Variants in STARD9 observed in about 807,000 individuals in gnomAD.
STARD9 encodes the protein stAR-related lipid transfer protein 9.
In STARD9, 346 loss-of-function variants were observed where a neutral mutation model predicts 399.8. The ratio of observed to expected loss-of-function variants is 0.87; its 90% CI spans 0.79 to 0.95. STARD9 has a LOEUF of 0.95. STARD9 is among the 40% of genes least tolerant of loss of function. The pLI is 0.00. For missense variants in STARD9, 5,832 were observed against 5,667.5 expected (o/e 1.03, Z -0.93); for synonymous variants, 2,203 against 2,143.5 (o/e 1.03, Z -0.77).
Position 42,690,214 on chromosome 15 carries a change from G to A in STARD9, c.8636G>A (p.Ser2879Asn), listed in dbSNP as rs1260334633. The A allele has an allele frequency of 2.6e-6, 4 of 1,537,734 alleles. No individual in the cohort carries two copies. The highest frequency in any genetic ancestry group is 8.7e-7 in the Non-Finnish European group (1 of 1,147,020). ...CAGCAGTGTGTGCAGTGTAAGGAGAGTGTTGGGTCTGGGTTGACAGAAGTC... is the reference window on the plus strand; with the variant it reads ...CAGCAGTGTGTGCAGTGTAAGGAGAATGTTGGGTCTGGGTTGACAGAAGTC... ...PTQQCVQCKE[S>N]VGSGLTEVCR... The change falls in exon 23 of 33, where the codon AGT becomes AAT. Residue 2879 changes from serine to asparagine, a missense_variant. By Grantham distance (46) the Ser-to-Asn change is conservative. Coordinates refer to ENST00000290607, the MANE Select transcript of STARD9 (RefSeq NM_020759.3).
chr15:42,609,375 A>G (rs916565631), intron 3 of STARD9, among the ~76,000 whole-genome samples: 2 of 151,826 alleles, frequency 1.3e-5, no homozygotes, highest in Non-Finnish European at 2.9e-5. Context: ...AAGAGACGGT[A>G]TGGTCAAAAG....
chr15:42,692,079 C>T lies in STARD9; in HGVS notation c.10501C>T (p.Gln3501Ter). Residue 3501 changes from glutamine to a stop codon, truncating the protein, a stop_gained, in exon 23 of 33, where the codon CAG becomes TAG. Coordinates refer to ENST00000290607, the MANE Select transcript of STARD9 (RefSeq NM_020759.3). LOFTEE classifies it high-confidence loss of function. ...AVDVSCSQKPQGLTLSNVARC... is the reference protein window; with the variant it reads ...AVDVSCSQKP ...CGATGTTTCCTGCAGCCAGAAGCCC[C>T]AGGGGCTGACACTATCAAATGTGGC... is the stretch of plus-strand genomic sequence containing the variant. The T allele has an allele frequency of 1.3e-6, 2 of 1,537,232 alleles. No individual in the cohort carries two copies. The highest frequency in any genetic ancestry group is 2.4e-5 in the East Asian group (1 of 40,916).
intron 26 of STARD9, among the ~76,000 whole-genome samples, chr15:42,705,625 A>G (rs1304050938): frequency 6.6e-6 from 1 of 151,922 alleles, no homozygotes; most frequent in South Asian, 2.1e-4. Flanking sequence ...TATTTTTAAT[A>G]GAGATGGGGT....
chr15:42,663,246 C>T, intron 11 of STARD9, 35 bp from the exon 12 acceptor site: 4 of 1,506,016 alleles, frequency 2.7e-6, no homozygotes, highest in Non-Finnish European at 3.6e-6. Flanking sequence ...TTCATAATTC[C>T]TTCTTTCTTC....
rs55773330 is a variant in STARD9, at chr15:42,664,789, A to AACAC, written c.1177-431_1177-428dup. Among the ~76,000 whole-genome samples the AACAC allele has an allele frequency of 3.8e-3, 557 of 144,812 alleles. 3 individuals carry two copies. Among genetic ancestry groups the AACAC allele is most frequent in the East Asian group, 0.015 (77 of 4,982 alleles). ...ATTCATTGGTTTTTGTTTATCCTTT[A>AACAC]ACACACACACACACACACACACACA... On this transcript the variant is annotated intron_variant, in intron 13 of 32. Transcript: ENST00000290607.
intron 1 of STARD9, among the ~76,000 whole-genome samples, chr15:42,579,559 A>G (rs1376069036): frequency 1.3e-5 from 2 of 152,122 alleles, no homozygotes; most frequent in African/African-American, 4.8e-5. Context: ...CCAGGTAGAG[A>G]AAAAGGAAGG....
At chr15:42,717,401 T>C (rs1036612176) in intron 28 of STARD9, among the ~76,000 whole-genome samples, 9 of 151,940 alleles carry the variant, frequency 5.9e-5, no homozygotes, top group Non-Finnish European at 1.0e-4. Flanking sequence ...GGTGGGAAGA[T>C]TGCTTGAGTC....
rs1002297176 is a variant in STARD9, at chr15:42,663,342, T to A, written c.930T>A (p.Gly310=). ...TCAACAGCTCAGTCAGCAATGGTGG[T>A]GACAGTGGGATCCTTAGCTCTCCTT... ...QSLNSSVSNG[G]DSGILSSPSG... is the part of the protein sequence containing the mutation. The change falls in exon 12 of 33, where the codon GGT becomes GGA. Residue 310 remains glycine (G), a synonymous_variant. Transcript: ENST00000290607. 24 of 1,537,204 alleles carry A rather than the reference T, an allele frequency of 1.6e-5. No individual in the cohort carries two copies. Among genetic ancestry groups the A allele is most frequent in the Non-Finnish European group, 2.1e-5 (24 of 1,146,920 alleles).
At position 42,688,767 on chromosome 15, in the gene STARD9, A is replaced by C. The variant is rs943502915; in HGVS notation, c.7189A>C (p.Arg2397=). ...AAGCCACAGCCCCGAAGGAAATGTT[A>C]GAGGGCGTTCCTCTGAGGCACACAC... ...TRSHSPEGNV[R]GRSSEAHTAW... The change falls in exon 23 of 33, where the codon AGA becomes CGA. Residue 2397 remains arginine, a synonymous_variant. Coordinates refer to ENST00000290607, the MANE Select transcript of STARD9 (RefSeq NM_020759.3). The C allele has an allele frequency of 1.4e-5, 22 of 1,537,680 alleles. No homozygotes were observed. In the East Asian group the frequency reaches 5.1e-4, roughly 36 times the overall value.
chr15:42,701,211 C>T (rs2060957048), intron 26 of STARD9, among the ~76,000 whole-genome samples: 1 of 152,064 alleles, frequency 6.6e-6, no homozygotes, highest in African/African-American at 2.4e-5. Flanking sequence ...TTGTTTTGCT[C>T]AGAATTTCTT....
In STARD9 at chr15:42,716,633, G is replaced by A. The variant is rs117100467; in HGVS notation, c.13285-44G>A. ...GTTCAGAGGCAGAGGAGATAATTCT[G>A]TGCTTGCCTTCTGGCTCTGTCCTGA... On this transcript the variant is annotated intron_variant, in intron 26 of 32. Coordinates refer to ENST00000290607, the MANE Select transcript of STARD9 (RefSeq NM_020759.3). 8,428 of 1,242,916 alleles carry A rather than the reference G, an allele frequency of 6.8e-3. 44 individuals carry two copies. Among genetic ancestry groups the A allele is most frequent in the Non-Finnish European group, 7.9e-3 (6,905 of 878,450 alleles). 77.0% of individuals were successfully genotyped at this position (1,242,916 alleles called of 1,614,324 possible). A position where few individuals can be genotyped will look rare whatever the true frequency, so the allele number is the denominator to read the frequency against.
chr15:42,634,797 C>A, intron 3 of STARD9, 59 bp from the exon 4 acceptor site: 3 of 752,086 alleles, frequency 4.0e-6, no homozygotes, highest in South Asian at 2.3e-5. Context: ...GAAAATAATT[C>A]TAAATCTGCT....
In STARD9 at chr15:42,652,591, A is replaced by G. The variant is rs1328224893; in HGVS notation, c.701A>G (p.Gln234Arg). 1.3e-6 allele frequency: 2 copies of G among 1,537,202 alleles called. No individual in the cohort carries two copies. The highest frequency in any genetic ancestry group is 1.7e-6 in the Non-Finnish European group (2 of 1,146,834). ...SHAIFTIHYT[Q>R]AILENNLPSE... is the part of the protein sequence containing the mutation. The stretch of plus-strand genomic sequence containing the variant: ...GCCATTTTCACGATCCACTACACGC[A>G]GGTTGGTAACTCCTTATGTTTGGTG... Residue 234 changes from glutamine to arginine, a missense_variant and splice_region_variant, in exon 9 of 33, where the codon CAG (glutamine) becomes CGG (arginine). This residue lies in a region of STARD9 where 5,828 missense variants were observed against 5,651.1 expected (regional missense o/e 1.03). Transcript: ENST00000290607.
chr15:42,626,853 T>G (rs1595666121), intron 3 of STARD9, among the ~76,000 whole-genome samples: 1 of 144,788 alleles, frequency 6.9e-6, no homozygotes. Flanking sequence ...TTGATATCAG[T>G]TTTTTTTTTT....
intron 9 of STARD9, among the ~76,000 whole-genome samples, chr15:42,652,876 C>T (rs911574827): frequency 6.6e-6 from 1 of 152,094 alleles, no homozygotes; most frequent in African/African-American, 2.4e-5. Context: ...CGGGGTTTCA[C>T]CATGTTGGCC....
intron 16 of STARD9, chr15:42,674,050 G>A: frequency 2.2e-6 from 1 of 449,168 alleles, no homozygotes; most frequent in Non-Finnish European, 4.5e-6. Flanking sequence ...ATCAACCTTT[G>A]CCCCTTAGGG....
rs1216746473 is a variant in STARD9 at position 42,685,444 on chromosome 15, C to T, written c.3866C>T (p.Pro1289Leu). The T allele has an allele frequency of 3.3e-6, 5 of 1,536,460 alleles. No homozygotes were observed. The African/African-American group carries it at 4.1e-5, about 13-fold the overall frequency. ...PQFQPHCELQPHCELQPHCEL... is the reference protein window; with the variant it reads ...PQFQPHCELQLHCELQPHCEL... ...TTCCAACCCCATTGTGAGCTCCAAC[C>T]CCATTGTGAGCTCCAACCCCATTGT... The change falls in exon 23 of 33, where the codon CCC becomes CTC. Residue 1289 changes from proline (P) to leucine (L), a missense_variant. Pro to Leu is a moderately conservative substitution (Grantham distance 98, BLOSUM62 -3). Transcript: ENST00000290607.
chr15:42,694,262 C>G lies in STARD9; in HGVS notation c.12684C>G (p.Leu4228=), dbSNP rs1432075815. The part of the protein sequence containing the change: ...HHGFGEADAL[L]QVLQSGTGEA... ...GCTTTGGGGAGGCCGATGCCCTGCTCCAGGTGCTGCAGAGTGGGACAGGGG... is the reference window on the plus strand; with the variant it reads ...GCTTTGGGGAGGCCGATGCCCTGCTGCAGGTGCTGCAGAGTGGGACAGGGG... Residue 4228 remains leucine (L), a synonymous_variant, in exon 23 of 33, where the codon CTC becomes CTG. Transcript: ENST00000290607. The G allele has an allele frequency of 7.2e-6, 11 of 1,526,380 alleles. No homozygotes were observed. Among genetic ancestry groups the G allele is most frequent in the Non-Finnish European group, 9.6e-6 (11 of 1,141,376 alleles). The allele number at this position is 1,526,380 out of a possible 1,614,324, so 94.6% of individuals were successfully genotyped here. A position where few individuals can be genotyped will look rare whatever the true frequency, so the allele number is the denominator to read the frequency against.
Position 42,693,882 on chromosome 15 carries a change from T to A in STARD9, c.12304T>A (p.Ser4102Thr), listed in dbSNP as rs1302118921. The change falls in exon 23 of 33, where the codon TCT (serine) becomes ACT (threonine). Residue 4102 changes from serine to threonine, a missense_variant. Transcript: ENST00000290607. ...ELTDTAGLRG[S>T]ALGLPQACQP... ...GACTGATACTGCAGGGCTCCGAGGTTCTGCCTTGGGCCTCCCTCAGGCCTG... is the reference window on the plus strand; with the variant it reads ...GACTGATACTGCAGGGCTCCGAGGTACTGCCTTGGGCCTCCCTCAGGCCTG... The A allele has an allele frequency of 6.5e-7, 1 of 1,533,814 alleles. No individual in the cohort carries two copies. Among genetic ancestry groups the A allele is most frequent in the Admixed American group, 2.0e-5 (1 of 50,816 alleles).
Sources: gnomAD v4.1 joint callset for allele counts (sites outside exome capture counted in the v4.1 genomes callset) on GRCh38, gnomAD v4.1.1 for gene constraint, gnomAD v4.1.1 regional missense constraint, MANE v1.5 for transcripts, NCBI Gene and HGNC (gene_info 2026-07-23, HGNC 2026-07-21) for gene names.